The following UBA1 variants were observed in gnomAD, a reference collection of about 807,000 sequenced individuals.
The protein encoded by UBA1 is ubiquitin-like modifier-activating enzyme 1.
In UBA1, 4 loss-of-function variants were observed where a neutral mutation model predicts 84.7. The observed-to-expected ratio is 0.05, with a 90% CI of 0.02 to 0.11. UBA1 has a LOEUF of 0.11. Among genes scored for constraint, UBA1 ranks in the 10% least tolerant of loss-of-function variants. The pLI is 1.00. For synonymous variants in UBA1, 364 were observed against 362.6 expected, an observed-to-expected ratio of 1.00 and a Z score of -0.04; for missense variants, 513 against 902.8, an observed-to-expected ratio of 0.57 and a Z score of 5.53.
chrX:47,199,754 C>T (rs1936335365), intron 5 of UBA1, 140 bp downstream of exon 5: 1 of 723,597 alleles, frequency 1.4e-6, no homozygotes, highest in South Asian at 2.2e-5. Flanking sequence ...ATGCAGGCAG[C>T]AGTTAGCCCC....
At chrX:47,202,606 A>G (rs782736226) in intron 10 of UBA1, 32 bp from the exon 11 acceptor site, 2 of 1,210,150 alleles carry the variant, frequency 1.7e-6, no homozygotes, top group East Asian at 5.9e-5. Flanking sequence ...GTGGCCTGAC[A>G]TATCCTCTCT....
At chrX:47,195,483 T>G (rs1936174325) in intron 1 of UBA1, among the ~76,000 whole-genome samples, 1 of 111,353 alleles carries the variant, frequency 9.0e-6, no homozygotes, top group Non-Finnish European at 1.9e-5. Flanking sequence ...ACTCCTGACC[T>G]CAGGTGATCC....
intron 16 of UBA1, among the ~76,000 whole-genome samples, chrX:47,207,949 A>G (rs1236812898): frequency 1.8e-5 from 2 of 112,039 alleles, no homozygotes; most frequent in African/African-American, 6.5e-5. Context: ...CTTCCTAGCA[A>G]CCCCATGAAG....
In UBA1 at chrX:47,215,033, T is replaced by G; in HGVS notation, c.*104T>G. Reference sequence around the variant, plus strand: ...TGGCAGTGGCCCAACTAGCCAAGTCTGGTGTTCCCTCATCATCCCCCTACC... The same window carrying G: ...TGGCAGTGGCCCAACTAGCCAAGTCGGGTGTTCCCTCATCATCCCCCTACC... On this transcript the variant is annotated 3_prime_UTR_variant, in exon 26 of 26. Transcript: ENST00000335972. 35 of 1,105,338 alleles carry G rather than the reference T, an allele frequency of 3.2e-5. No homozygotes were observed. The highest frequency in any genetic ancestry group is 4.3e-5 in the Non-Finnish European group (35 of 810,942). The allele number at this position is 1,105,338 out of a possible 1,213,427, so 91.1% of individuals were successfully genotyped here.
Position 47,202,195 on chromosome X carries a change from C to G in UBA1, c.851C>G (p.Ser284Cys), listed in dbSNP as rs1376020653. ...TFSICDTSNFSDYIRGGIVSQ... is the reference protein window; with the variant it reads ...TFSICDTSNFCDYIRGGIVSQ... Reference sequence around the variant, plus strand: ...AGCATCTGTGACACCTCCAACTTCTCCGACTACATCCGTGGAGGCATCGTC... The same window carrying G: ...AGCATCTGTGACACCTCCAACTTCTGCGACTACATCCGTGGAGGCATCGTC... Residue 284 changes from serine (S) to cysteine (C), a missense_variant, in exon 9 of 26, where the codon TCC becomes TGC. Coordinates refer to ENST00000335972, the MANE Select transcript of UBA1 (RefSeq NM_003334.4). 6 of 1,210,532 alleles carry G rather than the reference C, an allele frequency of 5.0e-6. No homozygotes were observed. The highest frequency in any genetic ancestry group is 3.0e-5 in the East Asian group (1 of 33,827).
At chrX:47,200,606 A>G (rs1343820798) in intron 5 of UBA1, among the ~76,000 whole-genome samples, 1 of 112,235 alleles carries the variant, frequency 8.9e-6, no homozygotes, top group African/African-American at 3.2e-5. Context: ...CCAGTGTCTC[A>G]CAGGGCATGG....
At position 47,214,460 on chromosome X, in the gene UBA1, C is replaced by T. The variant is rs1937064987; in HGVS notation, c.2940+32C>T. On this transcript the variant is annotated intron_variant, in intron 24 of 25. Coordinates refer to ENST00000335972, the MANE Select transcript of UBA1 (RefSeq NM_003334.4). ...CCCCTCCCTTACTCTGTCACCCCAC[C>T]TCAGGGGGCGAGGTGTACACGGTGA... 2.5e-6 allele frequency: 3 copies of T among 1,202,389 alleles called. No homozygotes were observed. In the South Asian group the frequency reaches 5.3e-5, roughly 21 times the overall value.
chrX:47,197,309 T>A, intron 1 of UBA1: 1 of 754,929 alleles, frequency 1.3e-6, no homozygotes, highest in South Asian at 6.7e-5. Context: ...GATTTGGGCA[T>A]AGGGTTATCT....
rs781968583 is a variant in UBA1 at position 47,206,705 on chromosome X, C to A, written c.1938+261C>A. The A allele has an allele frequency of 1.2e-4, 50 of 400,221 alleles. No individual in the cohort carries two copies. The Admixed American group carries it at 2.1e-3, about 17-fold the overall frequency. 33.0% of individuals were successfully genotyped at this position (400,221 alleles called of 1,213,427 possible). A position where few individuals can be genotyped will look rare whatever the true frequency, so the allele number is the denominator to read the frequency against. On this transcript the variant is annotated intron_variant, in intron 16 of 25. Transcript: ENST00000335972. ...TATGATGAATACTCAAATACCATTC[C>A]TCACCTAAATTTAACAATTCTTAAT...
intron 14 of UBA1, among the ~76,000 whole-genome samples, chrX:47,204,093 C>T (rs1266637319): frequency 1.9e-5 from 2 of 106,010 alleles, no homozygotes; most frequent in Non-Finnish European, 3.9e-5. Flanking sequence ...ATCTTTCTGC[C>T]TCTGCCAGAA....
intron 1 of UBA1, among the ~76,000 whole-genome samples, chrX:47,194,604 C>A (rs1439934144): frequency 8.9e-6 from 1 of 111,733 alleles, no homozygotes; most frequent in Non-Finnish European, 1.9e-5. Flanking sequence ...GTACTAGACC[C>A]TGTGAAAGGC....
At chrX:47,210,242 T>C in intron 18 of UBA1, 119 bp downstream of exon 18, 1 of 822,077 alleles carries the variant, frequency 1.2e-6, no homozygotes, top group South Asian at 2.2e-5. Context: ...CATGGGGATC[T>C]GAGAAGAGTG....
intron 16 of UBA1, 139 bp downstream of exon 16, chrX:47,206,583 A>G: frequency 1.7e-6 from 1 of 596,792 alleles, no homozygotes; most frequent in East Asian, 3.6e-5. Flanking sequence ...TCCCTCCCTC[A>G]CTTCCCACCA....
At chrX:47,207,335 T>C (rs781865207) in intron 16 of UBA1, among the ~76,000 whole-genome samples, 2 of 111,579 alleles carry the variant, frequency 1.8e-5, no homozygotes, top group African/African-American at 6.5e-5. Context: ...AGAAGAATTG[T>C]CTCGGGCCAC....
intron 6 of UBA1, 135 bp downstream of exon 6, chrX:47,201,135 C>G: frequency 1.3e-6 from 1 of 793,099 alleles, no homozygotes; most frequent in Non-Finnish European, 1.9e-6. Flanking sequence ...TTCATCTCTC[C>G]CCATGTGGCA....
intron 23 of UBA1, 74 bp downstream of exon 23, chrX:47,213,255 C>T: frequency 9.5e-7 from 1 of 1,047,245 alleles, no homozygotes; most frequent in South Asian, 2.1e-5. Context: ...CACGTCATAC[C>T]CTGTCACCAG....
intron 5 of UBA1, 34 bp from the exon 6 acceptor site, chrX:47,200,860 C>T (rs1259212344): frequency 8.9e-7 from 1 of 1,122,079 alleles, no homozygotes; most frequent in Non-Finnish European, 1.2e-6. Flanking sequence ...CCCCTTCACC[C>T]CAATGCTGGG....
intron 5 of UBA1, 51 bp from the exon 6 acceptor site, chrX:47,200,843 A>G: frequency 9.5e-7 from 1 of 1,055,985 alleles, no homozygotes. Flanking sequence ...CCAGCCCTCC[A>G]TTTTTTCCCC....
intron 20 of UBA1, among the ~76,000 whole-genome samples, chrX:47,212,046 CAT>C (rs1289624375): frequency 1.0e-5 from 1 of 97,323 alleles, no homozygotes; most frequent in African/African-American, 3.8e-5. Flanking sequence ...ACTTCCCCTC[CAT>C]ATATCTTTTT....
Sources: allele counts gnomAD v4.1 joint callset (sites outside exome capture counted in the v4.1 genomes callset), GRCh38; gene constraint gnomAD v4.1.1; transcripts MANE v1.5; gene names NCBI Gene and HGNC (gene_info 2026-07-23, HGNC 2026-07-21).